The following BTNL8 variants were observed in gnomAD, a reference collection of about 807,000 sequenced individuals.
The protein encoded by BTNL8 is butyrophilin-like protein 8.
A neutral mutation model predicts 36.1 loss-of-function variants in BTNL8; 22 were observed. That is an observed-to-expected ratio of 0.61 (90% CI 0.44 to 0.87). The LOEUF (loss-of-function observed/expected upper bound fraction) is 0.87. Ranked by LOEUF, BTNL8 falls within the 40% of genes least tolerant of loss-of-function variation. The pLI, the probability that BTNL8 is intolerant of heterozygous loss-of-function variation, is 0.00. For missense variants in BTNL8, 526 were observed against 616.9 expected, an observed-to-expected ratio of 0.85 and a Z score of 1.56; for synonymous variants, 203 against 235.6, an observed-to-expected ratio of 0.86 and a Z score of 1.27.
At chr5:180,910,873 G>A (rs529007278) in intron 2 of BTNL8, among the ~76,000 whole-genome samples, 2 of 152,188 alleles carry the variant, frequency 1.3e-5, no homozygotes, top group African/African-American at 4.8e-5. Flanking sequence ...AGCCCCACAC[G>A]TGTGATGATC....
At chr5:180,912,421 C>A (rs1757441506) in intron 3 of BTNL8, among the ~76,000 whole-genome samples, 1 of 117,796 alleles carries the variant, frequency 8.5e-6, no homozygotes, top group Non-Finnish European at 1.7e-5. Context: ...ATAGAAACAA[C>A]AGGATGTATA....
chr5:180,925,117 A>C (rs2113815341), intron 3 of BTNL8, among the ~76,000 whole-genome samples: 1 of 152,296 alleles, frequency 6.6e-6, no homozygotes, highest in Admixed American at 6.5e-5. Context: ...AAAAAAGAAA[A>C]AAGAATAAAA....
intron 3 of BTNL8, among the ~76,000 whole-genome samples, chr5:180,913,555 G>A (rs753027746): frequency 9.9e-5 from 15 of 152,226 alleles, no homozygotes; most frequent in Non-Finnish European, 1.8e-4. Context: ...GGTGTAAGGT[G>A]GTGGTACAAG....
rs1230958852 is a variant in BTNL8, at chr5:180,899,220, A to AT, written c.-89dup. The AT allele has an allele frequency of 6.7e-7, 1 of 1,500,726 alleles. No homozygotes were observed. The highest frequency in any genetic ancestry group is 9.3e-7 in the Non-Finnish European group (1 of 1,079,062). The allele number at this position is 1,500,726 out of a possible 1,614,324, so 93.0% of individuals were successfully genotyped here. ...TCTCCGTGGCTTCCGCACCTTGAGC[A>AT]TTAGGCCAGTTCTCCTCTTCTCTCT... On this transcript the variant is annotated 5_prime_UTR_variant, in exon 1 of 8. Transcript: ENST00000340184.
In BTNL8 at chr5:180,899,186, C is replaced by A; in HGVS notation, c.-125C>A. 1.8e-6 allele frequency: 2 copies of A among 1,139,644 alleles called. No homozygotes were observed. The highest frequency in any genetic ancestry group is 2.6e-6 in the Non-Finnish European group (2 of 764,318). 70.6% of individuals were successfully genotyped at this position (1,139,644 alleles called of 1,614,324 possible). A position where few individuals can be genotyped will look rare whatever the true frequency, so the allele number is the denominator to read the frequency against. ...AACAGCGCAGTTTGCCCTCCGCTCA[C>A]GCAGAGCCTCTCCGTGGCTTCCGCA... On this transcript the variant is annotated 5_prime_UTR_variant, in exon 1 of 8. Transcript: ENST00000340184.
At chr5:180,899,914 A>C (rs1756748053) in intron 1 of BTNL8, among the ~76,000 whole-genome samples, 1 of 152,180 alleles carries the variant, frequency 6.6e-6, no homozygotes, top group African/African-American at 2.4e-5. Flanking sequence ...GAGTGACTGA[A>C]TACAATTCAC....
chr5:180,937,733 G>A (rs1758725431), intron 3 of BTNL8, among the ~76,000 whole-genome samples: 1 of 151,904 alleles, frequency 6.6e-6, no homozygotes, highest in Non-Finnish European at 1.5e-5. Flanking sequence ...AAAATCCAAG[G>A]AAATATGACA....
intron 3 of BTNL8, among the ~76,000 whole-genome samples, chr5:180,919,007 G>A (rs929686934): frequency 6.6e-6 from 1 of 152,142 alleles, no homozygotes; most frequent in Non-Finnish European, 1.5e-5. Flanking sequence ...GTCTCTTCGG[G>A]ATCAGACAAA....
chr5:180,936,557 T>C (rs1758660472), intron 3 of BTNL8, among the ~76,000 whole-genome samples: 1 of 152,214 alleles, frequency 6.6e-6, no homozygotes, highest in African/African-American at 2.4e-5. Flanking sequence ...TGGAAAATTA[T>C]AAAACACTGA....
intron 3 of BTNL8, among the ~76,000 whole-genome samples, chr5:180,943,130 C>G (rs1207683898): frequency 9.9e-6 from 1 of 100,654 alleles, no homozygotes; most frequent in Non-Finnish European, 1.9e-5. Flanking sequence ...GGAAGATAGA[C>G]TTTTTTTTTT....
chr5:180,901,282 T>G (rs145636963), intron 1 of BTNL8, among the ~76,000 whole-genome samples: 1 of 152,190 alleles, frequency 6.6e-6, no homozygotes, highest in Admixed American at 6.5e-5. Context: ...TTCCCTCTGA[T>G]GCACATGCAG....
intron 3 of BTNL8, among the ~76,000 whole-genome samples, chr5:180,917,616 A>AC (rs1219144396): frequency 5.9e-5 from 9 of 152,142 alleles, no homozygotes; most frequent in Admixed American, 5.9e-4. Flanking sequence ...ATTTAAAAAA[A>AC]ATACCAGACC....
At chr5:180,899,799 T>C (rs1195221366) in intron 1 of BTNL8, among the ~76,000 whole-genome samples, 1 of 152,110 alleles carries the variant, frequency 6.6e-6, no homozygotes, top group East Asian at 1.9e-4. Context: ...GGTGTACAGG[T>C]CTTGAGGTGA....
At chr5:180,934,941 T>C (rs1233390459) in intron 3 of BTNL8, among the ~76,000 whole-genome samples, 1 of 116,512 alleles carries the variant, frequency 8.6e-6, no homozygotes, top group African/African-American at 4.2e-5. Flanking sequence ...CACAGACAAC[T>C]GGAGGGTAAG....
chr5:180,937,596 T>C (rs1166056990), intron 3 of BTNL8, among the ~76,000 whole-genome samples: 2 of 150,922 alleles, frequency 1.3e-5, no homozygotes, highest in Admixed American at 6.6e-5. Context: ...AAATAGAGAG[T>C]AGAAAAACAG....
chr5:180,950,300 T>C lies in BTNL8; in HGVS notation c.1259T>C (p.Phe420Ser). 6.8e-7 allele frequency: 1 copy of C among 1,463,642 alleles called. No homozygotes were observed. The highest frequency in any genetic ancestry group is 9.4e-7 in the Non-Finnish European group (1 of 1,059,110). The allele number at this position is 1,463,642 out of a possible 1,614,324, so 90.7% of individuals were successfully genotyped here. The stretch of plus-strand genomic sequence containing the variant: ...GACTATGAGTGTGGGACCATCTCCT[T>C]CTTCAACATAAATGACCAGTCCCTT... ...FLDYECGTIS[F>S]FNINDQSLIY... The change falls in exon 8 of 8, where the codon TTC becomes TCC. Residue 420 changes from phenylalanine (F) to serine (S), a missense_variant. By Grantham distance (155) the Phe-to-Ser change is radical. Coordinates refer to ENST00000340184, the MANE Select transcript of BTNL8 (RefSeq NM_001040462.3).
At chr5:180,942,055 A>G (rs1425814138) in intron 3 of BTNL8, among the ~76,000 whole-genome samples, 3 of 152,116 alleles carry the variant, frequency 2.0e-5, no homozygotes, top group South Asian at 2.1e-4. Flanking sequence ...TAAAGATTCC[A>G]TCAAAAAAAC....
chr5:180,900,595 A>G (rs1440830534), intron 1 of BTNL8, among the ~76,000 whole-genome samples: 1 of 152,214 alleles, frequency 6.6e-6, no homozygotes, highest in Non-Finnish European at 1.5e-5. Context: ...AGCCCCACAC[A>G]GCCCTGAAGG....
intron 3 of BTNL8, among the ~76,000 whole-genome samples, chr5:180,924,244 A>C (rs1176739584): frequency 6.6e-6 from 1 of 152,200 alleles, no homozygotes; most frequent in Non-Finnish European, 1.5e-5. Context: ...CCCAGTAGCT[A>C]TGCAGCAACT....
Sources: gnomAD v4.1 joint callset for allele counts (sites outside exome capture counted in the v4.1 genomes callset) on GRCh38, gnomAD v4.1.1 for gene constraint, MANE v1.5 for transcripts, NCBI Gene and HGNC (gene_info 2026-07-23, HGNC 2026-07-21) for gene names.